The following HIBADH variants were observed in gnomAD, a reference collection of about 807,000 sequenced individuals.
HIBADH encodes 3-hydroxyisobutyrate dehydrogenase, mitochondrial.
A neutral mutation model predicts 36.1 loss-of-function variants in HIBADH; 25 were observed. That is an observed-to-expected ratio of 0.69 (90% confidence interval 0.50 to 0.97). The LOEUF (loss-of-function observed/expected upper bound fraction) is 0.97. Ranked by LOEUF, HIBADH falls within the 50% of genes least tolerant of loss-of-function variation. The probability of loss-of-function intolerance (pLI) is 0.00; values close to 1 mark genes in which losing one functional copy is unlikely to be tolerated. For missense variants in HIBADH, 421 were observed against 418.0 expected (o/e 1.01, Z -0.06); for synonymous variants, 160 against 149.5 (o/e 1.07, Z -0.51).
chr7:27,577,560 C>T (rs1392155453), intron 4 of HIBADH, among the ~76,000 whole-genome samples: 1 of 152,130 alleles, frequency 6.6e-6, no homozygotes, highest in Non-Finnish European at 1.5e-5. Context: ...ATTTAAAAAT[C>T]CATAAATATA....
chr7:27,555,472 G>C (rs1312416563), intron 4 of HIBADH, among the ~76,000 whole-genome samples: 1 of 151,926 alleles, frequency 6.6e-6, no homozygotes, highest in African/African-American at 2.4e-5. Flanking sequence ...TCAGTTCCAA[G>C]TCTAGAGTCA....
chr7:27,653,963 CAGATGTT>C (rs968570130), intron 1 of HIBADH, among the ~76,000 whole-genome samples: 6 of 152,100 alleles, frequency 3.9e-5, no homozygotes, highest in Non-Finnish European at 5.9e-5. Context: ...TAAGCTGAAA[CAGATGTT>C]AGAATTAGAA....
At position 27,646,931 on chromosome 7, in the gene HIBADH, G is replaced by A. The variant is rs1379872737; in HGVS notation, c.252+2542C>T. On this transcript the variant is annotated intron_variant, in intron 2 of 7. Coordinates refer to ENST00000265395, the MANE Select transcript of HIBADH (RefSeq NM_152740.4). ...GGCTGGTCTTGAACTCCTGGCCTCA[G>A]GTGATCCGCCTGCCTTGGCCTCCCA... Among the ~76,000 whole-genome samples the A allele has an allele frequency of 2.6e-5, 4 of 152,002 alleles. 1 individual carries two copies. In the South Asian group the frequency reaches 6.2e-4, roughly 24 times the overall value.
chr7:27,559,284 T>A (rs1486860449), intron 4 of HIBADH, among the ~76,000 whole-genome samples: 1 of 152,160 alleles, frequency 6.6e-6, no homozygotes, highest in Non-Finnish European at 1.5e-5. Flanking sequence ...GATTTCAACA[T>A]ATGAATTTTG....
intron 2 of HIBADH, among the ~76,000 whole-genome samples, chr7:27,647,362 G>C (rs1786091392): frequency 6.6e-6 from 1 of 152,102 alleles, no homozygotes; most frequent in African/African-American, 2.4e-5. Context: ...CTTGAATTTT[G>C]TACTTAACAT....
At chr7:27,660,081 AAGAT>A (rs1404806498) in intron 1 of HIBADH, among the ~76,000 whole-genome samples, 1 of 152,192 alleles carries the variant, frequency 6.6e-6, no homozygotes, top group Admixed American at 6.5e-5. Context: ...AAAAGTTAAA[AAGAT>A]GTGCTACTAA....
intron 4 of HIBADH, among the ~76,000 whole-genome samples, chr7:27,576,565 C>T (rs1784713926): frequency 6.6e-6 from 1 of 152,140 alleles, no homozygotes; most frequent in Non-Finnish European, 1.5e-5. Context: ...TTTTCCAATG[C>T]TATATTGTTT....
chr7:27,527,918 G>GTTTTTTTTTT (rs746260280), intron 7 of HIBADH, among the ~76,000 whole-genome samples: 21 of 61,698 alleles, frequency 3.4e-4, no homozygotes, highest in East Asian at 1.8e-3. Context: ...CACACCCAGC[G>GTTTTTTTTTT]TTTTTTTTTT....
At chr7:27,646,893 G>A (rs201592013) in intron 2 of HIBADH, among the ~76,000 whole-genome samples, 18 of 151,642 alleles carry the variant, frequency 1.2e-4, no homozygotes, top group Admixed American at 4.6e-4. Context: ...CCGGGGTTTC[G>A]CCACATTGGC....
intron 2 of HIBADH, among the ~76,000 whole-genome samples, chr7:27,640,436 G>A (rs1382609106): frequency 2.6e-5 from 4 of 152,140 alleles, no homozygotes; most frequent in African/African-American, 4.8e-5. Context: ...AGGCAGGGGC[G>A]GGAGGATCAC....
intron 4 of HIBADH, among the ~76,000 whole-genome samples, chr7:27,619,304 A>G (rs1785495613): frequency 6.6e-6 from 1 of 152,212 alleles, no homozygotes; most frequent in South Asian, 2.1e-4. Context: ...TACACCTTTA[A>G]GAAAAAGTCT....
At chr7:27,529,226 C>T (rs910641638) in intron 7 of HIBADH, among the ~76,000 whole-genome samples, 1 of 152,188 alleles carries the variant, frequency 6.6e-6, no homozygotes, top group Non-Finnish European at 1.5e-5. Context: ...TCTATGAACA[C>T]AACATCCATT....
intron 4 of HIBADH, among the ~76,000 whole-genome samples, chr7:27,588,912 A>G (rs1784902070): frequency 6.6e-6 from 1 of 152,180 alleles, no homozygotes; most frequent in African/African-American, 2.4e-5. Flanking sequence ...ATTTGTAACC[A>G]CTTTTTAAAA....
chr7:27,622,404 T>C (rs1318391036), intron 4 of HIBADH, among the ~76,000 whole-genome samples: 4 of 151,502 alleles, frequency 2.6e-5, no homozygotes, highest in Non-Finnish European at 2.9e-5. Flanking sequence ...TAACATAACA[T>C]AAAATGAACA....
intron 4 of HIBADH, among the ~76,000 whole-genome samples, chr7:27,609,579 G>A (rs1037561619): frequency 6.6e-6 from 1 of 152,244 alleles, no homozygotes; most frequent in African/African-American, 2.4e-5. Context: ...TAGTACTGAT[G>A]AATCTTAACT....
At chr7:27,561,924 T>C (rs1412394157) in intron 4 of HIBADH, among the ~76,000 whole-genome samples, 1 of 152,168 alleles carries the variant, frequency 6.6e-6, no homozygotes, top group Non-Finnish European at 1.5e-5. Flanking sequence ...TAGATATTAG[T>C]AAATCCATAT....
At chr7:27,582,936 C>A (rs1369302946) in intron 4 of HIBADH, among the ~76,000 whole-genome samples, 4 of 152,050 alleles carry the variant, frequency 2.6e-5, no homozygotes, top group African/African-American at 9.7e-5. Flanking sequence ...ACTGACCTCA[C>A]AGGGCTTTTG....
In HIBADH at chr7:27,661,237, C is replaced by A. The variant is rs1786410627; in HGVS notation, c.91+1461G>T. 2.0e-5 allele frequency among the ~76,000 whole-genome samples: 3 copies of A among 152,188 alleles called. No individual in the cohort carries two copies. The South Asian group carries it at 6.2e-4, about 32-fold the overall frequency. The stretch of plus-strand genomic sequence containing the variant: ...TCACCGAGCCTCTGTTCTTCTCCAG[C>A]CAGAAAGGAAATTCAGAGGTTTCAC... On this transcript the variant is annotated intron_variant, in intron 1 of 7. Coordinates refer to ENST00000265395, the MANE Select transcript of HIBADH (RefSeq NM_152740.4).
chr7:27,647,847 T>C (rs1306348022), intron 2 of HIBADH: 1 of 202,458 alleles, frequency 4.9e-6, no homozygotes, highest in East Asian at 1.3e-4. Flanking sequence ...ACATACAAGC[T>C]GGAAGTACTA....
Sources: gnomAD v4.1 joint callset for allele counts (sites outside exome capture counted in the v4.1 genomes callset) on GRCh38, gnomAD v4.1.1 for gene constraint, MANE v1.5 for transcripts, NCBI Gene and HGNC (gene_info 2026-07-23, HGNC 2026-07-21) for gene names.